Variants in PPP1R16B observed in about 807,000 individuals in gnomAD.
PPP1R16B encodes the protein protein phosphatase 1 regulatory subunit 16B.
Under a neutral mutation model 61.7 loss-of-function variants are expected in PPP1R16B, and 14 were observed. That is an observed-to-expected ratio of 0.23 (90% CI 0.15 to 0.35). The LOEUF is 0.35. Among genes scored for constraint, PPP1R16B ranks in the 10% least tolerant of loss-of-function variants. PPP1R16B has a pLI of 1.00. For synonymous variants in PPP1R16B, 266 were observed against 305.3 expected (o/e 0.87, Z 1.34); for missense variants, 547 against 752.5 (o/e 0.73, Z 3.19).
chr20:38,840,703 G>A (rs1254612757), intron 2 of PPP1R16B, among the ~76,000 whole-genome samples: 1 of 152,214 alleles, frequency 6.6e-6, no homozygotes, highest in Admixed American at 6.5e-5. Flanking sequence ...CTGAGAGACA[G>A]TGTAGTGTCA....
At chr20:38,912,551 C>CTGTA (rs1387859647) in intron 10 of PPP1R16B, among the ~76,000 whole-genome samples, 4 of 150,764 alleles carry the variant, frequency 2.7e-5, no homozygotes, top group Non-Finnish European at 5.9e-5. Flanking sequence ...TGGTGTGTAC[C>CTGTA]TGTAGTCTTA....
chr20:38,810,815 CTA>C (rs1056229812), intron 1 of PPP1R16B, among the ~76,000 whole-genome samples: 1 of 152,168 alleles, frequency 6.6e-6, no homozygotes, highest in African/African-American at 2.4e-5. Context: ...AGGCAATTTG[CTA>C]AAGGGCATGC....
chr20:38,899,341 A>C (rs1200739337), intron 4 of PPP1R16B, among the ~76,000 whole-genome samples: 1 of 152,154 alleles, frequency 6.6e-6, no homozygotes, highest in Non-Finnish European at 1.5e-5. Context: ...CTAAGAGGAC[A>C]AGGAAAGTGG....
intron 4 of PPP1R16B, among the ~76,000 whole-genome samples, chr20:38,897,603 C>T (rs1252826020): frequency 1.3e-5 from 2 of 152,188 alleles, no homozygotes; most frequent in African/African-American, 2.4e-5. Flanking sequence ...CTTCCAATTC[C>T]TTTGGTTATA....
intron 2 of PPP1R16B, among the ~76,000 whole-genome samples, chr20:38,853,711 T>C (rs1315161108): frequency 1.3e-5 from 2 of 152,210 alleles, no homozygotes; most frequent in Non-Finnish European, 1.5e-5. Context: ...TGGGCACTCT[T>C]TCTGCTGGTC....
At chr20:38,813,764 CATCATTATTATTATT>C (rs1361091075) in intron 1 of PPP1R16B, among the ~76,000 whole-genome samples, 106 of 132,768 alleles carry the variant, frequency 8.0e-4, no homozygotes, top group African/African-American at 1.9e-3. Flanking sequence ...TCATCATCAT[CATCATTATTATTATT>C]ATTATTATTA....
intron 2 of PPP1R16B, among the ~76,000 whole-genome samples, chr20:38,842,277 C>T (rs552749838): frequency 8.5e-4 from 130 of 152,294 alleles, no homozygotes; most frequent in Middle Eastern, 3.4e-3. Context: ...CCTTAGGCAT[C>T]CTGGTGTTTC....
chr20:38,892,668 C>T (rs1173702737), intron 3 of PPP1R16B, among the ~76,000 whole-genome samples: 1 of 152,142 alleles, frequency 6.6e-6, no homozygotes, highest in African/African-American at 2.4e-5. Context: ...GTGGTCAGCC[C>T]TTGCACGGAG....
intron 2 of PPP1R16B, among the ~76,000 whole-genome samples, chr20:38,868,528 G>A (rs2085105060): frequency 6.6e-6 from 1 of 152,062 alleles, no homozygotes; most frequent in African/African-American, 2.4e-5. Context: ...GGGATTACAG[G>A]CACATGCCAC....
intron 2 of PPP1R16B, among the ~76,000 whole-genome samples, chr20:38,840,733 T>G (rs2084904178): frequency 6.6e-6 from 1 of 152,210 alleles, no homozygotes; most frequent in Non-Finnish European, 1.5e-5. Flanking sequence ...GCACAGACCC[T>G]GCAGTTTGTC....
chr20:38,869,303 C>T (rs149816618), intron 2 of PPP1R16B, among the ~76,000 whole-genome samples: 21 of 151,758 alleles, frequency 1.4e-4, no homozygotes, highest in East Asian at 7.7e-4. Context: ...GAATTACAGG[C>T]GTGCACCACC....
At chr20:38,816,776 T>C (rs183793674) in intron 1 of PPP1R16B, among the ~76,000 whole-genome samples, 1 of 152,302 alleles carries the variant, frequency 6.6e-6, no homozygotes, top group Non-Finnish European at 1.5e-5. Context: ...TTGCAAAGCA[T>C]GCAGAGTGGA....
At chr20:38,843,072 A>G (rs892856558) in intron 2 of PPP1R16B, among the ~76,000 whole-genome samples, 1 of 152,164 alleles carries the variant, frequency 6.6e-6, no homozygotes, top group Non-Finnish European at 1.5e-5. Context: ...TGGTCCTCAA[A>G]CTTTTTGGTC....
At chr20:38,862,777 T>G (rs887166524) in intron 2 of PPP1R16B, among the ~76,000 whole-genome samples, 2 of 152,198 alleles carry the variant, frequency 1.3e-5, no homozygotes, top group Non-Finnish European at 2.9e-5. Context: ...AGCAAGATCT[T>G]GGAGCTCTTG....
intron 4 of PPP1R16B, among the ~76,000 whole-genome samples, chr20:38,899,795 G>T (rs1392362095): frequency 6.6e-6 from 1 of 151,790 alleles, no homozygotes; most frequent in Non-Finnish European, 1.5e-5. Flanking sequence ...ACCTGTCTGA[G>T]TCTTTTTTTT....
intron 2 of PPP1R16B, among the ~76,000 whole-genome samples, chr20:38,855,982 A>AGAAGGAGGAGG (rs1449393855): frequency 2.4e-5 from 1 of 41,566 alleles, no homozygotes; most frequent in Admixed American, 2.9e-4. Flanking sequence ...AGAGAGAGAG[A>AGAAGGAGGAGG]AGGAGGAGGA....
At position 38,918,976 on chromosome 20, in the gene PPP1R16B, C is replaced by T. The variant is rs763407533; in HGVS notation, c.*310C>T. On this transcript the variant is annotated 3_prime_UTR_variant, in exon 11 of 11. Transcript: ENST00000299824. The surrounding 1 kb of genome is among the most constrained non-coding windows in gnomAD (Gnocchi z 5.3). ...TCTATTCTTGGTATAAAGGCTTCTC[C>T]GGATCAGTACATGCATGTCACATTA... 2.0e-5 allele frequency: 6 copies of T among 303,190 alleles called. No homozygotes were observed. The highest frequency in any genetic ancestry group is 3.7e-5 in the Non-Finnish European group (6 of 163,718). 18.8% of individuals were successfully genotyped at this position (303,190 alleles called of 1,614,324 possible).
At chr20:38,826,208 A>G (rs2084804340) in intron 1 of PPP1R16B, among the ~76,000 whole-genome samples, 1 of 152,080 alleles carries the variant, frequency 6.6e-6, no homozygotes, top group South Asian at 2.1e-4. Context: ...CTCCCTGTGA[A>G]GGGAGGGGGT....
intron 2 of PPP1R16B, among the ~76,000 whole-genome samples, chr20:38,861,673 CTTTTTTTTTTTTT>C (rs869187206): frequency 2.4e-4 from 30 of 125,624 alleles, no homozygotes; most frequent in East Asian, 4.4e-4. Flanking sequence ...TGCAGTTCTT[CTTTTTTTTTTTTT>C]TTTTTTTTGA....
Sources: gnomAD v4.1 joint callset for allele counts (sites outside exome capture counted in the v4.1 genomes callset) on GRCh38, gnomAD v4.1.1 for gene constraint, Gnocchi (gnomAD v3.1) non-coding constraint, MANE v1.5 for transcripts, NCBI Gene and HGNC (gene_info 2026-07-23, HGNC 2026-07-21) for gene names.